The following EIF5B variants were observed in gnomAD, a reference collection of about 807,000 sequenced individuals.
EIF5B encodes the protein eIF-5B.
In EIF5B, 47 loss-of-function variants were observed where a neutral mutation model predicts 147.5. The ratio of observed to expected loss-of-function variants is 0.32; its 90% CI spans 0.25 to 0.41. The LOEUF (loss-of-function observed/expected upper bound fraction) is 0.41, where lower values mean the gene tolerates loss of function less well. Ranked by LOEUF, EIF5B falls within the 10% of genes least tolerant of loss-of-function variation. The pLI, the probability that EIF5B is intolerant of heterozygous loss-of-function variation, is 1.00. For synonymous variants in EIF5B, 455 were observed against 456.2 expected, an observed-to-expected ratio of 1.00 and a Z score of 0.03; for missense variants, 1,064 against 1,413.2, an observed-to-expected ratio of 0.75 and a Z score of 3.96.
rs755763653 is a variant in EIF5B, at chr2:99,394,591, T to C, written c.3089+6T>C. 6.2e-7 allele frequency: 1 copy of C among 1,614,148 alleles called. No homozygotes were observed. Among genetic ancestry groups the C allele is most frequent in the Non-Finnish European group, 8.5e-7 (1 of 1,179,990 alleles). On this transcript the variant is annotated splice_donor_region_variant and intron_variant, in intron 20 of 23. Coordinates refer to ENST00000289371, the MANE Select transcript of EIF5B (RefSeq NM_015904.4). Reference sequence around the variant, plus strand: ...ATGTTGGAACATGACCCTCAGTAAGTAATTTCTCTTGCTATGAAGGCTTTC... The same window carrying C: ...ATGTTGGAACATGACCCTCAGTAAGCAATTTCTCTTGCTATGAAGGCTTTC...
chr2:99,389,690 GATCT>G, intron 14 of EIF5B, 24 bp from the exon 15 acceptor site: 1 of 1,576,410 alleles, frequency 6.3e-7, no homozygotes, highest in South Asian at 1.2e-5. Context: ...ATTTTTTAGA[GATCT>G]TTCTCATGAA....
chr2:99,338,400 GAAC>G (rs2094249471), intron 1 of EIF5B: 1 of 1,180,514 alleles, frequency 8.5e-7, no homozygotes, highest in African/African-American at 1.6e-5. Context: ...TCCTGGGAGT[GAAC>G]AACATCTGTT....
At chr2:99,394,926 C>T in intron 21 of EIF5B, 43 bp downstream of exon 21, 2 of 1,489,778 alleles carry the variant, frequency 1.3e-6, no homozygotes, top group Non-Finnish European at 1.8e-6. Flanking sequence ...TGTTAATGAA[C>T]ATGATTGAGA....
chr2:99,392,143 C>T (rs1674950355), intron 17 of EIF5B, among the ~76,000 whole-genome samples: 2 of 151,806 alleles, frequency 1.3e-5, no homozygotes, highest in Admixed American at 6.6e-5. Context: ...AGGTGATCTC[C>T]AGTTTTTTAT....
intron 14 of EIF5B, chr2:99,389,494 C>CT (rs1458744273): frequency 2.2e-5 from 7 of 311,130 alleles, no homozygotes; most frequent in African/African-American, 1.1e-4. Context: ...CACTTAGGAA[C>CT]TCATGGAGGC....
intron 14 of EIF5B, chr2:99,389,497 A>C (rs535281590): frequency 6.3e-6 from 2 of 318,742 alleles, no homozygotes; most frequent in Non-Finnish European, 1.2e-5. Context: ...TTAGGAACTC[A>C]TGGAGGCTGA....
At chr2:99,357,171 A>G (rs1674113220) in intron 1 of EIF5B, among the ~76,000 whole-genome samples, 2 of 152,220 alleles carry the variant, frequency 1.3e-5, no homozygotes, top group South Asian at 4.1e-4. Context: ...CTTAAAATTG[A>G]GTAATGAGGC....
Position 99,364,364 on chromosome 2 carries a change from T to C in EIF5B, c.1231T>C (p.Ser411Pro). The C allele has an allele frequency of 6.2e-7, 1 of 1,610,640 alleles. No individual in the cohort carries two copies. Among genetic ancestry groups the C allele is most frequent in the Non-Finnish European group, 8.5e-7 (1 of 1,179,098 alleles). The stretch of plus-strand genomic sequence containing the variant: ...AAAAGAAGGGAAACTTTTAACTAAA[T>C]CCCAGAGAGAAGCCAGAGCCAGAGC... ...LKKEGKLLTK[S>P]QREARARAEA... Residue 411 changes from serine to proline, a missense_variant, in exon 6 of 24, where the codon TCC becomes CCC. Around this residue, in one of 4 missense-constraint regions of EIF5B, gnomAD observed 31 missense variants for 60.1 expected, o/e 0.52. Transcript: ENST00000289371.
intron 4 of EIF5B, 105 bp from the exon 5 acceptor site, chr2:99,363,540 G>A (rs1674265280): frequency 4.4e-6 from 5 of 1,138,500 alleles, no homozygotes; most frequent in Non-Finnish European, 6.3e-6. Context: ...TGCTGGCATC[G>A]GCCTTGGCCC....
chr2:99,386,798 G>A (rs1257329036), intron 14 of EIF5B, among the ~76,000 whole-genome samples: 3 of 152,094 alleles, frequency 2.0e-5, no homozygotes, highest in Non-Finnish European at 4.4e-5. Context: ...CACCGCTTTG[G>A]CCACCCAAAG....
rs1197207295 is a variant in EIF5B at position 99,361,374 on chromosome 2, A to G, written c.473A>G (p.Asn158Ser). ...GCTAAAGGGAAAGCTCAAAAATCAAATAAGAAGTGGGATGGGTCAGAGGAG... is the reference window on the plus strand; with the variant it reads ...GCTAAAGGGAAAGCTCAAAAATCAAGTAAGAAGTGGGATGGGTCAGAGGAG... Reference protein sequence around the residue: ...KKAKGKAQKSNKKWDGSEEDE... With the variant: ...KKAKGKAQKSSKKWDGSEEDE... Residue 158 changes from asparagine to serine, a missense_variant, in exon 4 of 24, where the codon AAT becomes AGT. Physicochemically the swap from Asn to Ser is conservative, Grantham distance 46 (BLOSUM62 1). Transcript: ENST00000289371. 6.2e-7 allele frequency: 1 copy of G among 1,611,442 alleles called. No homozygotes were observed. Among genetic ancestry groups the G allele is most frequent in the Non-Finnish European group, 8.5e-7 (1 of 1,179,460 alleles).
intron 13 of EIF5B, 47 bp downstream of exon 13, chr2:99,382,273 C>A: frequency 6.5e-7 from 1 of 1,532,524 alleles, no homozygotes; most frequent in Non-Finnish European, 9.0e-7. Flanking sequence ...TACTTGAAAC[C>A]ATTAAGTCTA....
chr2:99,366,769 T>C (rs1283986919), intron 6 of EIF5B, among the ~76,000 whole-genome samples: 1 of 152,176 alleles, frequency 6.6e-6, no homozygotes. Flanking sequence ...ACCAGAGAGT[T>C]AGAATGGCCA....
intron 4 of EIF5B, 78 bp downstream of exon 4, chr2:99,361,898 G>T (rs539147683): frequency 1.5e-6 from 2 of 1,375,598 alleles, no homozygotes; most frequent in East Asian, 5.1e-5. Flanking sequence ...CCCCAAGGTC[G>T]TTTTGTTATT....
At chr2:99,371,488 CAAAAA>C (rs201222383) in intron 8 of EIF5B, among the ~76,000 whole-genome samples, 163 bp from the exon 9 acceptor site, 4 of 112,010 alleles carry the variant, frequency 3.6e-5, no homozygotes, top group Admixed American at 8.5e-5. Flanking sequence ...GACTCCGTCT[CAAAAA>C]AAAAAAAAAA....
chr2:99,397,746 G>C (rs533380720), intron 22 of EIF5B: 1 of 152,220 alleles, frequency 6.6e-6, no homozygotes, highest in African/African-American at 2.4e-5. Flanking sequence ...TCTGGTACCT[G>C]GAGTTCCTAA....
At chr2:99,355,514 AGATTT>A (rs563100321) in intron 1 of EIF5B, among the ~76,000 whole-genome samples, 234 of 151,830 alleles carry the variant, frequency 1.5e-3, no homozygotes, top group African/African-American at 5.2e-3. Flanking sequence ...ATATTTTGTT[AGATTT>A]AAGTATGTTA....
In EIF5B at chr2:99,363,706, AAAAGAG is replaced by A. The variant is rs369984953; in HGVS notation, c.990_995del (p.Glu331_Lys332del). On this transcript the variant is annotated inframe_deletion, in exon 5 of 24. Transcript: ENST00000289371. ...AGAAAAAGAAAGGAGAAAAGGAAGA[AAAAGAG>A]AAAGAGAAGAAAAAAGGACCTAGCA... The A allele has an allele frequency of 1.6e-4, 249 of 1,602,496 alleles. No homozygotes were observed. Among genetic ancestry groups the A allele is most frequent in the Non-Finnish European group, 1.9e-4 (227 of 1,177,408 alleles).
intron 1 of EIF5B, among the ~76,000 whole-genome samples, chr2:99,350,784 TAAAC>T (rs1298060325): frequency 6.6e-6 from 1 of 152,230 alleles, no homozygotes; most frequent in Non-Finnish European, 1.5e-5. Flanking sequence ...TTTGAGGTCT[TAAAC>T]AACGTTATGA....
Sources: gnomAD v4.1 joint callset for allele counts (sites outside exome capture counted in the v4.1 genomes callset) on GRCh38, gnomAD v4.1.1 for gene constraint, gnomAD v4.1.1 regional missense constraint, MANE v1.5 for transcripts, NCBI Gene and HGNC (gene_info 2026-07-23, HGNC 2026-07-21) for gene names.